The following GRID2 variants were observed in gnomAD, a reference collection of about 807,000 sequenced individuals.
GRID2 encodes glutamate receptor ionotropic, delta-2.
Under a neutral mutation model 114.8 loss-of-function variants are expected in GRID2, and 33 were observed. The observed-to-expected ratio is 0.29, with a 90% CI of 0.22 to 0.38. The LOEUF is 0.38. Ranked by LOEUF, GRID2 falls within the 10% of genes least tolerant of loss-of-function variation. The probability of loss-of-function intolerance (pLI) is 1.00; values close to 1 mark genes in which losing one functional copy is unlikely to be tolerated. For missense variants in GRID2, 1,184 were observed against 1,257.7 expected (o/e 0.94, Z 0.89); for synonymous variants, 505 against 449.9 (o/e 1.12, Z -1.55).
At chr4:93,120,683 G>T (rs1052335457) in intron 4 of GRID2, among the ~76,000 whole-genome samples, 7 of 152,108 alleles carry the variant, frequency 4.6e-5, no homozygotes, top group Non-Finnish European at 8.8e-5. Flanking sequence ...ACTGGGCGCG[G>T]TGGCTCAGGC....
intron 2 of GRID2, among the ~76,000 whole-genome samples, chr4:92,871,355 T>C (rs917043230): frequency 1.3e-5 from 2 of 152,102 alleles, no homozygotes; most frequent in African/African-American, 4.8e-5. Flanking sequence ...GTTAAGTAAA[T>C]CTTTAGGCCT....
intron 13 of GRID2, among the ~76,000 whole-genome samples, chr4:93,594,875 G>C (rs527880205): frequency 1.3e-5 from 2 of 151,916 alleles, no homozygotes; most frequent in Non-Finnish European, 2.9e-5. Flanking sequence ...GACCCCTTGC[G>C]CTTCCCGAGT....
At chr4:92,842,299 G>A (rs1411917089) in intron 2 of GRID2, among the ~76,000 whole-genome samples, 1 of 152,086 alleles carries the variant, frequency 6.6e-6, no homozygotes, top group African/African-American at 2.4e-5. Flanking sequence ...TGATTACAAA[G>A]CAGAGACGGC....
At chr4:93,167,515 C>T (rs1364224204) in intron 4 of GRID2, among the ~76,000 whole-genome samples, 1 of 152,068 alleles carries the variant, frequency 6.6e-6, no homozygotes, top group African/African-American at 2.4e-5. Flanking sequence ...TGGGTAGGCT[C>T]CTTTTTTGAA....
chr4:92,724,909 G>C (rs1053439400), intron 2 of GRID2, among the ~76,000 whole-genome samples: 1 of 152,084 alleles, frequency 6.6e-6, no homozygotes, highest in Admixed American at 6.6e-5. Context: ...ATTCCAATTT[G>C]CTTTGTTAAA....
At chr4:92,683,354 G>A (rs112069187) in intron 2 of GRID2, among the ~76,000 whole-genome samples, 1,691 of 152,140 alleles carry the variant, frequency 0.011, 29 homozygotes, top group African/African-American at 0.039. Context: ...ATCAATAAAT[G>A]TTTTAATCAA....
At chr4:93,155,790 G>A (rs1299308391) in intron 4 of GRID2, among the ~76,000 whole-genome samples, 2 of 151,714 alleles carry the variant, frequency 1.3e-5, no homozygotes. Flanking sequence ...AAATACAGGA[G>A]AGAAAAATGA....
chr4:92,619,524 T>G (rs1730166059), intron 2 of GRID2, among the ~76,000 whole-genome samples: 1 of 151,612 alleles, frequency 6.6e-6, no homozygotes, highest in African/African-American at 2.4e-5. Context: ...CCTTCCTTGA[T>G]TTTTTTAAAT....
chr4:93,359,737 G>A (rs1179121998), intron 8 of GRID2, among the ~76,000 whole-genome samples: 6 of 135,368 alleles, frequency 4.4e-5, no homozygotes, highest in African/African-American at 1.6e-4. Context: ...TATTTGCTTA[G>A]CAAATGAAAC....
intron 4 of GRID2, among the ~76,000 whole-genome samples, chr4:93,116,970 T>G (rs576619182): frequency 5.1e-4 from 77 of 152,142 alleles, no homozygotes; most frequent in Admixed American, 8.5e-4. Flanking sequence ...GCAGTGTTCA[T>G]AGGAATTTTA....
chr4:92,646,305 A>G (rs1481263581), intron 2 of GRID2, among the ~76,000 whole-genome samples: 4 of 152,322 alleles, frequency 2.6e-5, no homozygotes, highest in African/African-American at 9.6e-5. Flanking sequence ...CTCGCTTGTA[A>G]TAATTTGTGG....
chr4:92,652,701 T>C (rs1732002433), intron 2 of GRID2, among the ~76,000 whole-genome samples: 1 of 137,440 alleles, frequency 7.3e-6, no homozygotes, highest in Non-Finnish European at 1.6e-5. Flanking sequence ...CCGGGCGCGG[T>C]GGCTCACTCC....
intron 2 of GRID2, among the ~76,000 whole-genome samples, chr4:92,985,494 T>C (rs12510907): frequency 0.63 from 95,911 of 151,948 alleles, 32,120 homozygotes; most frequent in African/African-American, 0.85. Context: ...GCCTCAGCCT[T>C]CCAAAGTGCT....
intron 2 of GRID2, among the ~76,000 whole-genome samples, chr4:92,812,049 A>C (rs1486478617): frequency 6.6e-6 from 1 of 152,170 alleles, no homozygotes. Flanking sequence ...TATATTAAAA[A>C]TAACATGTGC....
At chr4:93,186,252 A>G (rs1267492798) in intron 4 of GRID2, among the ~76,000 whole-genome samples, 1 of 152,168 alleles carries the variant, frequency 6.6e-6, no homozygotes, top group African/African-American at 2.4e-5. Context: ...ACTTGGGTAT[A>G]TACCCAGTAG....
intron 2 of GRID2, among the ~76,000 whole-genome samples, chr4:93,084,256 G>C (rs999910572): frequency 3.3e-5 from 5 of 151,786 alleles, no homozygotes; most frequent in Non-Finnish European, 7.4e-5. Context: ...ACATTTTGAG[G>C]TATGCACATA....
intron 8 of GRID2, among the ~76,000 whole-genome samples, chr4:93,314,183 T>C (rs916191068): frequency 6.6e-6 from 1 of 151,286 alleles, no homozygotes; most frequent in African/African-American, 2.4e-5. Context: ...CATGTGCCTG[T>C]AGTCCCAGCT....
At chr4:92,771,119 C>T (rs1431804393) in intron 2 of GRID2, among the ~76,000 whole-genome samples, 2 of 152,242 alleles carry the variant, frequency 1.3e-5, no homozygotes, top group South Asian at 2.1e-4. Context: ...ACATAATTTG[C>T]TTTAACCCAG....
intron 1 of GRID2, among the ~76,000 whole-genome samples, chr4:92,525,051 T>A (rs920281301): frequency 2.0e-5 from 3 of 151,698 alleles, no homozygotes; most frequent in Non-Finnish European, 4.4e-5. Flanking sequence ...TCTCTCAGTA[T>A]AAAAGAAAAC....
Sources: gnomAD v4.1 joint callset for allele counts (sites outside exome capture counted in the v4.1 genomes callset) on GRCh38, gnomAD v4.1.1 for gene constraint, MANE v1.5 for transcripts, NCBI Gene and HGNC (gene_info 2026-07-23, HGNC 2026-07-21) for gene names.